Variants in RAB3IL1 observed in about 807,000 individuals in gnomAD.
RAB3IL1 encodes guanine nucleotide exchange factor for Rab-3A.
RAB3IL1 carries 37 observed loss-of-function variants against 49.2 expected under a neutral mutation model. The observed-to-expected ratio is 0.75, with a 90% CI of 0.58 to 0.99. The LOEUF is 0.99. Ranked by LOEUF, RAB3IL1 falls within the 50% of genes least tolerant of loss-of-function variation. RAB3IL1 has a pLI of 0.00. For synonymous variants in RAB3IL1, 193 were observed against 213.9 expected, an observed-to-expected ratio of 0.90 and a Z score of 0.85; for missense variants, 484 against 513.0, an observed-to-expected ratio of 0.94 and a Z score of 0.55.
the RAB3IL1 span, among the ~76,000 whole-genome samples, chr11:61,946,118 A>G: frequency 0.28 from 43,282 of 152,026 alleles, 9,286 homozygotes; most frequent in East Asian, 0.71. Context: ...AGCTATGCCA[A>G]GCCCCCTCCT....
intron 9 of RAB3IL1, among the ~76,000 whole-genome samples, 186 bp downstream of exon 9, chr11:61,899,128 G>A (rs1020803718): frequency 1.3e-5 from 2 of 152,168 alleles, no homozygotes; most frequent in Non-Finnish European, 2.9e-5. Context: ...CCAGCCGGAC[G>A]GACTCAGGTA....
the RAB3IL1 span, among the ~76,000 whole-genome samples, chr11:61,927,410 G>A: frequency 6.6e-6 from 1 of 152,202 alleles, no homozygotes; most frequent in Non-Finnish European, 1.5e-5. Context: ...CACAGGTCAG[G>A]TACAAGGATA....
At chr11:61,923,004 T>G (rs552751441), upstream of RAB3IL1, among the ~76,000 whole-genome samples, 2 of 152,350 alleles carry the variant, frequency 1.3e-5, no homozygotes, top group East Asian at 3.9e-4. Context: ...GGAAAGGGCT[T>G]GGCCTGGCTG....
the RAB3IL1 span, among the ~76,000 whole-genome samples, chr11:61,936,034 A>G: frequency 1.3e-5 from 2 of 152,134 alleles, no homozygotes. Context: ...AAAATTCGCT[A>G]GAGGAGGTCA....
chr11:61,925,354 C>T, the RAB3IL1 span, among the ~76,000 whole-genome samples: 5 of 152,076 alleles, frequency 3.3e-5, no homozygotes, highest in East Asian at 3.9e-4. Context: ...CATATAGAGC[C>T]GGGTGCAGTG....
chr11:61,921,609 C>A (rs1373800933), upstream of RAB3IL1, among the ~76,000 whole-genome samples: 1 of 152,196 alleles, frequency 6.6e-6, no homozygotes, highest in Non-Finnish European at 1.5e-5. Context: ...CAAACACCCC[C>A]TGGAACTGTT....
intron 8 of RAB3IL1, among the ~76,000 whole-genome samples, chr11:61,900,491 G>A (rs1279665632): frequency 6.6e-6 from 1 of 152,182 alleles, no homozygotes; most frequent in African/African-American, 2.4e-5. Context: ...AGAGCGGGGC[G>A]AGGTCGGGGG....
chr11:61,936,157 A>G, the RAB3IL1 span, among the ~76,000 whole-genome samples: 2 of 152,194 alleles, frequency 1.3e-5, no homozygotes, highest in Non-Finnish European at 2.9e-5. Context: ...TAAGAGACCC[A>G]TGGAATACCA....
chr11:61,921,941 C>T (rs1591245593), upstream of RAB3IL1, among the ~76,000 whole-genome samples: 2 of 152,246 alleles, frequency 1.3e-5, no homozygotes, highest in African/African-American at 4.8e-5. Flanking sequence ...GTAATCCCAG[C>T]ACTTTGGGAG....
At chr11:61,921,944 T>A (rs913081752), upstream of RAB3IL1, among the ~76,000 whole-genome samples, 3 of 151,880 alleles carry the variant, frequency 2.0e-5, no homozygotes, top group East Asian at 5.8e-4. Context: ...ATCCCAGCAC[T>A]TTGGGAGGCC....
intron 7 of RAB3IL1, among the ~76,000 whole-genome samples, chr11:61,903,918 C>T (rs1051937462): frequency 1.3e-5 from 2 of 152,092 alleles, no homozygotes; most frequent in African/African-American, 4.8e-5. Flanking sequence ...GCAGCCTCCA[C>T]CCCAATTCCC....
chr11:61,902,320 T>A, intron 8 of RAB3IL1, 122 bp downstream of exon 8: 2 of 857,870 alleles, frequency 2.3e-6, no homozygotes, highest in Non-Finnish European at 1.8e-6. Context: ...TCTCAAAAAA[T>A]AAATAAATAA....
upstream of RAB3IL1, among the ~76,000 whole-genome samples, chr11:61,922,818 C>A (rs995507479): frequency 1.3e-5 from 2 of 152,220 alleles, no homozygotes; most frequent in African/African-American, 4.8e-5. Context: ...AATGAATTTT[C>A]CATGGCCTGC....
At chr11:61,932,661 AAAGAG>A in the RAB3IL1 span, among the ~76,000 whole-genome samples, 1 of 152,226 alleles carries the variant, frequency 6.6e-6, no homozygotes, top group Non-Finnish European at 1.5e-5. Context: ...GACATAAATA[AAAGAG>A]AAATCAAAGA....
At chr11:61,907,877 T>C (rs927651736) in intron 2 of RAB3IL1, among the ~76,000 whole-genome samples, 177 bp downstream of exon 2, 9 of 152,172 alleles carry the variant, frequency 5.9e-5, no homozygotes, top group Admixed American at 2.0e-4. Flanking sequence ...CAGGGCACGT[T>C]TGCAGTCAAG....
rs556806709 is a variant in RAB3IL1 at position 61,899,491 on chromosome 11, G to A, written c.1000-111C>T. 6.9e-6 allele frequency: 7 copies of A among 1,017,018 alleles called. No homozygotes were observed. The East Asian group carries it at 7.8e-5, about 11-fold the overall frequency. The allele number at this position is 1,017,018 out of a possible 1,614,324, so 63.0% of individuals were successfully genotyped here. On this transcript the variant is annotated intron_variant, in intron 8 of 9. Coordinates refer to ENST00000394836, the MANE Select transcript of RAB3IL1 (RefSeq NM_013401.4). ...CCCCAGGTCCCTGCAGAGCCAGGCA[G>A]TGCTCCCTGACTCAGCTGGGACTGG...
the RAB3IL1 span, among the ~76,000 whole-genome samples, chr11:61,930,140 C>A: frequency 8.6e-5 from 13 of 151,338 alleles, no homozygotes; most frequent in Admixed American, 3.3e-4. Flanking sequence ...GAGTGATACA[C>A]CTGCCTCAGC....
the RAB3IL1 span, among the ~76,000 whole-genome samples, chr11:61,931,453 C>T: frequency 6.6e-6 from 1 of 152,202 alleles, no homozygotes; most frequent in African/African-American, 2.4e-5. Context: ...AACAAAATAT[C>T]CATCCAGCTC....
intron 8 of RAB3IL1, among the ~76,000 whole-genome samples, chr11:61,901,281 C>T (rs1221922868): frequency 1.3e-5 from 2 of 152,184 alleles, no homozygotes; most frequent in African/African-American, 2.4e-5. Context: ...AACAGAGGGA[C>T]AGAGGAAGAG....
Sources: allele counts gnomAD v4.1 joint callset (sites outside exome capture counted in the v4.1 genomes callset), GRCh38; gene constraint gnomAD v4.1.1; transcripts MANE v1.5; gene names NCBI Gene and HGNC (gene_info 2026-07-23, HGNC 2026-07-21).